PAX5: variants seen among roughly 807,000 people sequenced by gnomAD.
PAX5 encodes paired box 5, also known as paired box protein Pax-5.
Under a neutral mutation model 43.7 loss-of-function variants are expected in PAX5, and 9 were observed. The observed-to-expected ratio is 0.21, with a 90% CI of 0.12 to 0.36. The LOEUF is 0.36. Ranked by LOEUF, PAX5 falls within the 10% of genes least tolerant of loss-of-function variation. PAX5 has a pLI of 1.00. For synonymous variants in PAX5, 228 were observed against 214.3 expected (o/e 1.06, Z -0.56); for missense variants, 383 against 532.7 (o/e 0.72, Z 2.77).
At chr9:36,916,263 A>C (rs1239069261) in intron 7 of PAX5, among the ~76,000 whole-genome samples, 1 of 152,100 alleles carries the variant, frequency 6.6e-6, no homozygotes, top group African/African-American at 2.4e-5. Flanking sequence ...TGAATGCCCA[A>C]GTATATTTGG....
At chr9:36,892,639 C>A (rs1380573900) in intron 7 of PAX5, among the ~76,000 whole-genome samples, 1 of 152,214 alleles carries the variant, frequency 6.6e-6, no homozygotes, top group Non-Finnish European at 1.5e-5. Flanking sequence ...CCCCTGTGAC[C>A]AGTCAGCTTC....
Position 36,867,061 on chromosome 9 carries a change from G to C in PAX5, c.1012+14943C>G, listed in dbSNP as rs956596689. Among the ~76,000 whole-genome samples, 521 of 112,704 alleles carry C rather than the reference G, an allele frequency of 4.6e-3. 6 individuals carry two copies. The highest frequency in any genetic ancestry group is 0.017 in the African/African-American group (462 of 27,270). The allele number at this position is 112,704 out of a possible 152,430, so 73.9% of individuals were successfully genotyped here. A position where few individuals can be genotyped will look rare whatever the true frequency, so the allele number is the denominator to read the frequency against. Reference sequence around the variant, plus strand: ...TACAAAATGTCCTGGATGGGGTGGTGGGGGGGGGGCCTTGGTTGGTCTCCT... The same window carrying C: ...TACAAAATGTCCTGGATGGGGTGGTCGGGGGGGGGCCTTGGTTGGTCTCCT... On this transcript the variant is annotated intron_variant, in intron 8 of 9. Coordinates refer to ENST00000358127, the MANE Select transcript of PAX5 (RefSeq NM_016734.3).
intron 6 of PAX5, among the ~76,000 whole-genome samples, chr9:36,926,918 G>A (rs549393794): frequency 6.6e-6 from 1 of 152,288 alleles, no homozygotes; most frequent in Admixed American, 6.5e-5. Flanking sequence ...TAATGTATAT[G>A]GGGCGTGAAG....
At chr9:36,919,684 T>C (rs1829983483) in intron 7 of PAX5, among the ~76,000 whole-genome samples, 1 of 151,532 alleles carries the variant, frequency 6.6e-6, no homozygotes, top group South Asian at 2.1e-4. Flanking sequence ...CTACTAAAAA[T>C]ACAAAAATTA....
At chr9:36,941,922 A>T (rs1334946031) in intron 6 of PAX5, among the ~76,000 whole-genome samples, 1 of 152,228 alleles carries the variant, frequency 6.6e-6, no homozygotes, top group African/African-American at 2.4e-5. Flanking sequence ...TCACATAGCT[A>T]GTAAGAAAAA....
At chr9:36,966,987 C>G (rs946358978) in intron 5 of PAX5, among the ~76,000 whole-genome samples, 2 of 152,134 alleles carry the variant, frequency 1.3e-5, no homozygotes, top group African/African-American at 2.4e-5. Context: ...TCATGATGAC[C>G]CTCAAGGTAG....
At chr9:36,864,901 C>T (rs762551955) in intron 8 of PAX5, among the ~76,000 whole-genome samples, 3 of 152,218 alleles carry the variant, frequency 2.0e-5, no homozygotes, top group Non-Finnish European at 4.4e-5. Context: ...GCTCGCCCAC[C>T]GAATTAGGAC....
intron 7 of PAX5, among the ~76,000 whole-genome samples, chr9:36,884,322 T>G (rs1458702215): frequency 6.6e-6 from 1 of 152,184 alleles, no homozygotes; most frequent in Non-Finnish European, 1.5e-5. Flanking sequence ...ATTCTATGTA[T>G]GCAAGGATGG....
chr9:36,956,357 C>G (rs1056217454), intron 6 of PAX5, among the ~76,000 whole-genome samples: 1 of 152,150 alleles, frequency 6.6e-6, no homozygotes, highest in African/African-American at 2.4e-5. Context: ...AAGAGTGGAA[C>G]AGACAGGAGG....
intron 5 of PAX5, among the ~76,000 whole-genome samples, chr9:36,971,154 A>G (rs953807136): frequency 6.6e-6 from 1 of 152,212 alleles, no homozygotes; most frequent in African/African-American, 2.4e-5. Flanking sequence ...TCATGGAGTT[A>G]TGTCCAGAGG....
Position 36,886,419 on chromosome 9 carries a change from T to C in PAX5, c.911-4314A>G, listed in dbSNP as rs112012677. The stretch of plus-strand genomic sequence containing the variant: ...ATGAATTCAAGCCTCAGATCTGCTC[T>C]GAGGCCCATCAGAACTCTCCCGGCA... On this transcript the variant is annotated intron_variant, in intron 7 of 9. Coordinates refer to ENST00000358127, the MANE Select transcript of PAX5 (RefSeq NM_016734.3). Among the ~76,000 whole-genome samples the C allele has an allele frequency of 8.8e-3, 1,342 of 152,322 alleles. 20 individuals carry two copies. The highest frequency in any genetic ancestry group is 0.029 in the African/African-American group (1,194 of 41,574).
intron 3 of PAX5, among the ~76,000 whole-genome samples, chr9:37,009,712 ATGTT>A (rs1389965601): frequency 6.6e-6 from 1 of 152,188 alleles, no homozygotes; most frequent in Non-Finnish European, 1.5e-5. Flanking sequence ...CAAAGAATAA[ATGTT>A]TGAGGGGATG....
intron 5 of PAX5, among the ~76,000 whole-genome samples, chr9:36,985,862 T>C (rs893216506): frequency 4.6e-5 from 7 of 152,218 alleles, no homozygotes; most frequent in Non-Finnish European, 1.0e-4. Flanking sequence ...AAAAAGTTTA[T>C]GTCAGGGCAT....
intron 8 of PAX5, among the ~76,000 whole-genome samples, chr9:36,863,432 A>G (rs1421244898): frequency 1.3e-5 from 2 of 152,140 alleles, no homozygotes; most frequent in Admixed American, 6.5e-5. Flanking sequence ...CCTGGCCTCA[A>G]CTTACATTTA....
intron 1 of PAX5, among the ~76,000 whole-genome samples, chr9:37,024,712 C>G (rs1405629759): frequency 6.6e-6 from 1 of 152,146 alleles, no homozygotes; most frequent in Non-Finnish European, 1.5e-5. Context: ...GATTGAAGGC[C>G]GGACAAGGAG....
At chr9:36,924,722 A>AAAG (rs1563973046) in intron 6 of PAX5, among the ~76,000 whole-genome samples, 82 of 89,170 alleles carry the variant, frequency 9.2e-4, no homozygotes, top group Middle Eastern at 6.0e-3. Context: ...TCTGTCAAAA[A>AAAG]AAAGAAAGAG....
In PAX5 at chr9:37,004,771, C is replaced by T. The variant is rs528780225; in HGVS notation, c.475+1702G>A. Among the ~76,000 whole-genome samples, 19 of 152,332 alleles carry T rather than the reference C, an allele frequency of 1.2e-4. No individual in the cohort carries two copies. The East Asian group carries it at 2.7e-3, about 22-fold the overall frequency. ...AACCACCATATATAACCAAAGCTCA[C>T]CATGTTGCTGGCAGAGCCCATGACA... is the stretch of plus-strand genomic sequence containing the variant. On this transcript the variant is annotated intron_variant, in intron 4 of 9. Transcript: ENST00000358127.
At chr9:36,930,539 T>C (rs1544092) in intron 6 of PAX5, among the ~76,000 whole-genome samples, 1 of 152,030 alleles carries the variant, frequency 6.6e-6, no homozygotes, top group Non-Finnish European at 1.5e-5. Flanking sequence ...TAGTTCATTT[T>C]TATCTGCATC....
intron 6 of PAX5, among the ~76,000 whole-genome samples, chr9:36,938,180 T>C (rs1263889901): frequency 6.6e-6 from 1 of 152,218 alleles, no homozygotes; most frequent in African/African-American, 2.4e-5. Context: ...CTTCTGCTTT[T>C]AATTACGGAA....
Sources: allele counts gnomAD v4.1 joint callset (sites outside exome capture counted in the v4.1 genomes callset), GRCh38; gene constraint gnomAD v4.1.1; transcripts MANE v1.5; gene names NCBI Gene and HGNC (gene_info 2026-07-23, HGNC 2026-07-21).